Variants in ARMC9 observed in about 807,000 individuals in gnomAD.
The protein encoded by ARMC9 is lisH domain-containing protein ARMC9.
In ARMC9, 94 loss-of-function variants were observed where a neutral mutation model predicts 107.0. The ratio of observed to expected loss-of-function variants is 0.88; its 90% CI spans 0.74 to 1.04. ARMC9 has a LOEUF of 1.04. Ranked by LOEUF, ARMC9 falls within the 50% of genes least tolerant of loss-of-function variation. ARMC9 has a pLI of 0.00. For missense variants in ARMC9, 942 were observed against 1,030.1 expected, an observed-to-expected ratio of 0.91 and a Z score of 1.17; for synonymous variants, 380 against 396.9, an observed-to-expected ratio of 0.96 and a Z score of 0.51.
At chr2:231,260,998 A>G (rs900337266) in intron 11 of ARMC9, among the ~76,000 whole-genome samples, 5 of 152,054 alleles carry the variant, frequency 3.3e-5, no homozygotes, top group Admixed American at 1.3e-4. Flanking sequence ...CACCCTGGCC[A>G]TGGTCATCAC....
rs1044190878 is a variant in ARMC9 at position 231,353,648 on chromosome 2, C to T, written c.1995-2150C>T. Among the ~76,000 whole-genome samples the T allele has an allele frequency of 5.9e-5, 9 of 151,766 alleles. No homozygotes were observed. In the South Asian group the frequency reaches 6.2e-4, roughly 10 times the overall value. ...GCAGGTTTGCACACTCCTCCCACCC[C>T]GTCCTGCCCACCACTGGCCTTCACG... On this transcript the variant is annotated intron_variant, in intron 21 of 24. Transcript: ENST00000611582.
chr2:231,326,062 CTG>C (rs1342042461), intron 19 of ARMC9, among the ~76,000 whole-genome samples: 2 of 152,172 alleles, frequency 1.3e-5, no homozygotes, highest in African/African-American at 2.4e-5. Flanking sequence ...CCATTACTCT[CTG>C]TGTCCTGTTG....
At chr2:231,363,641 C>T (rs1015628634) in intron 23 of ARMC9, among the ~76,000 whole-genome samples, 3 of 152,160 alleles carry the variant, frequency 2.0e-5, no homozygotes, top group African/African-American at 7.2e-5. Context: ...AATCCCAGCA[C>T]TTTGGGAGGC....
At chr2:231,321,904 C>A (rs1018553570) in intron 19 of ARMC9, among the ~76,000 whole-genome samples, 2 of 152,144 alleles carry the variant, frequency 1.3e-5, no homozygotes, top group Admixed American at 1.3e-4. Flanking sequence ...TGCGATAAGC[C>A]CTGCTTTTCC....
chr2:231,332,250 G>C (rs1321576823), intron 20 of ARMC9, among the ~76,000 whole-genome samples: 1 of 152,210 alleles, frequency 6.6e-6, no homozygotes, highest in East Asian at 1.9e-4. Flanking sequence ...AGGTAGACTT[G>C]GAAGTCCTTG....
At chr2:231,299,182 TA>T (rs921880836) in intron 19 of ARMC9, among the ~76,000 whole-genome samples, 7 of 151,872 alleles carry the variant, frequency 4.6e-5, no homozygotes, top group Non-Finnish European at 1.0e-4. Flanking sequence ...ACTAAAATTT[TA>T]AAAAAAATAA....
chr2:231,276,607 T>A lies in ARMC9; in HGVS notation c.1335-29T>A, dbSNP rs555283994. The stretch of plus-strand genomic sequence containing the variant: ...TTATATGAAAAGTTTCTTGGCAGTT[T>A]GTATTTACCGTAGGCTCTTTCTTCC... On this transcript the variant is annotated intron_variant, in intron 14 of 24. Coordinates refer to ENST00000611582, the MANE Select transcript of ARMC9 (RefSeq NM_001352754.2). 3 of 1,613,698 alleles carry A rather than the reference T, an allele frequency of 1.9e-6. No individual in the cohort carries two copies. In the East Asian group the frequency reaches 6.7e-5, roughly 36 times the overall value.
rs2046040147 is a variant in ARMC9, at chr2:231,372,057, T to C, written c.*522T>C. 1 of 153,178 alleles carries C rather than the reference T, an allele frequency of 6.5e-6. No individual in the cohort carries two copies. Among genetic ancestry groups the C allele is most frequent in the Non-Finnish European group, 1.5e-5 (1 of 68,700 alleles). The allele number at this position is 153,178 out of a possible 1,614,324, so 9.5% of individuals were successfully genotyped here. On this transcript the variant is annotated 3_prime_UTR_variant, in exon 25 of 25. Transcript: ENST00000611582. ...CGTCTCAGCAGCAAAGTTGGTGTTT[T>C]CTTCCTGTGTTAAAATCTGAGAAAG... is the stretch of plus-strand genomic sequence containing the variant.
intron 18 of ARMC9, among the ~76,000 whole-genome samples, chr2:231,293,045 T>A (rs1312716406): frequency 6.6e-6 from 1 of 152,142 alleles, no homozygotes; most frequent in Non-Finnish European, 1.5e-5. Flanking sequence ...GGGCTCCCGA[T>A]CAAAAGGAGG....
chr2:231,282,278 G>T, intron 17 of ARMC9, 145 bp downstream of exon 17: 2 of 781,298 alleles, frequency 2.6e-6, no homozygotes, highest in South Asian at 1.8e-5. Flanking sequence ...ATGTATATTT[G>T]CCATTTCCTG....
rs969633061 is a variant in ARMC9 at position 231,375,643 on chromosome 2, G to A, written c.*4108G>A. 1.3e-5 allele frequency among the ~76,000 whole-genome samples: 2 copies of A among 152,144 alleles called. No homozygotes were observed. The highest frequency in any genetic ancestry group is 2.9e-5 in the Non-Finnish European group (2 of 68,032). On this transcript the variant is annotated 3_prime_UTR_variant, in exon 25 of 25. Transcript: ENST00000611582. This position sits in a 1 kb window ranked among gnomAD's most constrained non-coding sequence, Gnocchi z 4.3. ...TCTAGGGAGAATTTCTGGCCTTTTC[G>A]GATGGCATGGTCCAGGCCGGAGCAC... is the stretch of plus-strand genomic sequence containing the variant.
intron 22 of ARMC9, 45 bp downstream of exon 22, chr2:231,355,979 G>C: frequency 1.3e-6 from 2 of 1,504,238 alleles, no homozygotes; most frequent in Non-Finnish European, 1.8e-6. Flanking sequence ...GGATTGTGAT[G>C]TCTAGAACCT....
At chr2:231,209,782 C>T (rs767497643) in intron 3 of ARMC9, among the ~76,000 whole-genome samples, 9 of 152,002 alleles carry the variant, frequency 5.9e-5, no homozygotes, top group Non-Finnish European at 1.2e-4. Context: ...GTGATCCACC[C>T]GCCTCAGCCT....
At position 231,344,934 on chromosome 2, in the gene ARMC9, T is replaced by C. The variant is rs907474946; in HGVS notation, c.1879-41T>C. The C allele has an allele frequency of 6.2e-6, 10 of 1,601,644 alleles. No individual in the cohort carries two copies. In the African/African-American group the frequency reaches 6.7e-5, roughly 11 times the overall value. On this transcript the variant is annotated intron_variant, in intron 20 of 24. Transcript: ENST00000611582. ...CTTGACTTCTAGGTCAGCTCTCTAA[T>C]AGATATTTCTCCAGCCCTTTTTTCT...
At chr2:231,262,230 A>G in intron 11 of ARMC9, 76 bp from the exon 12 acceptor site, 1 of 1,390,896 alleles carries the variant, frequency 7.2e-7, no homozygotes. Context: ...ACTGCCATCT[A>G]AAACACACCT....
At chr2:231,331,338 G>A (rs577699671) in intron 19 of ARMC9, among the ~76,000 whole-genome samples, 1 of 152,304 alleles carries the variant, frequency 6.6e-6, no homozygotes, top group Non-Finnish European at 1.5e-5. Flanking sequence ...GAAGCAGAAC[G>A]GTGCTGCCCT....
Position 231,358,350 on chromosome 2 carries a change from AATTGATTGATTG to A in ARMC9, c.2132-2383_2132-2372del, listed in dbSNP as rs143556558. On this transcript the variant is annotated intron_variant, in intron 22 of 24. Transcript: ENST00000611582. This position sits in a 1 kb window ranked among gnomAD's most constrained non-coding sequence, Gnocchi z 4.5. ...CTTCTCCATCCCTCCCCTCCACTTCAATTGATTGATTGATTGATTGATTGATTGATTGTAGAG... is the reference window on the plus strand; with the variant it reads ...CTTCTCCATCCCTCCCCTCCACTTCAATTGATTGATTGATTGATTGTAGAG... 7.9e-5 allele frequency among the ~76,000 whole-genome samples: 12 copies of A among 150,964 alleles called. No individual in the cohort carries two copies. Among genetic ancestry groups the A allele is most frequent in the African/African-American group, 1.2e-4 (5 of 40,670 alleles).
chr2:231,270,390 A>C, intron 12 of ARMC9: 2 of 345,588 alleles, frequency 5.8e-6, no homozygotes, highest in Non-Finnish European at 1.1e-5. Flanking sequence ...CTTCTTGAAC[A>C]ACTTTAATTC....
chr2:231,215,792 C>A (rs1432743347), intron 4 of ARMC9, among the ~76,000 whole-genome samples: 1 of 152,206 alleles, frequency 6.6e-6, no homozygotes, highest in Non-Finnish European at 1.5e-5. Flanking sequence ...GAGGGAGCAG[C>A]AGGACCATAC....
Sources: allele counts gnomAD v4.1 joint callset (sites outside exome capture counted in the v4.1 genomes callset), GRCh38; gene constraint gnomAD v4.1.1; non-coding constraint Gnocchi (gnomAD v3.1); transcripts MANE v1.5; gene names NCBI Gene and HGNC (gene_info 2026-07-23, HGNC 2026-07-21).